RAPH1: variants seen among roughly 807,000 people sequenced by gnomAD.
The protein encoded by RAPH1 is ras-associated and pleckstrin homology domains-containing protein 1.
In RAPH1, 18 loss-of-function variants were observed where a neutral mutation model predicts 88.1. The observed-to-expected ratio is 0.20, with a 90% CI of 0.14 to 0.30. RAPH1 has a LOEUF of 0.30. Ranked by LOEUF, RAPH1 falls within the 10% of genes least tolerant of loss-of-function variation. The pLI, the probability that RAPH1 is intolerant of heterozygous loss-of-function variation, is 1.00. For synonymous variants in RAPH1, 587 were observed against 559.0 expected (o/e 1.05, Z -0.71); for missense variants, 1,448 against 1,543.2 (o/e 0.94, Z 1.03).
intron 1 of RAPH1, among the ~76,000 whole-genome samples, chr2:203,532,859 C>T (rs1313279774): frequency 6.6e-6 from 1 of 152,154 alleles, no homozygotes; most frequent in South Asian, 2.1e-4. Context: ...CATCTTGCTT[C>T]ACTAATATTA....
chr2:203,470,814 G>A (rs941890314), intron 4 of RAPH1, among the ~76,000 whole-genome samples: 16 of 152,058 alleles, frequency 1.1e-4, no homozygotes, highest in Non-Finnish European at 2.2e-4. Context: ...GCACCAAGAC[G>A]AAAAATATCC....
chr2:203,441,974 G>A (rs2098504668), intron 13 of RAPH1: 4 of 1,502,796 alleles, frequency 2.7e-6, no homozygotes, highest in Non-Finnish European at 3.5e-6. Flanking sequence ...ACACAGGAAT[G>A]AATAAGCTTG....
intron 4 of RAPH1, among the ~76,000 whole-genome samples, chr2:203,476,703 G>A (rs1427329383): frequency 1.3e-5 from 2 of 152,122 alleles, no homozygotes; most frequent in African/African-American, 2.4e-5. Flanking sequence ...AAAGAAACTA[G>A]GCTTTCAGTT....
chr2:203,474,666 G>C (rs1181338986), intron 4 of RAPH1, among the ~76,000 whole-genome samples: 1 of 152,200 alleles, frequency 6.6e-6, no homozygotes, highest in African/African-American at 2.4e-5. Flanking sequence ...TGTACACTCT[G>C]TCACATGCCA....
chr2:203,526,226 A>T (rs1312373969), intron 1 of RAPH1, among the ~76,000 whole-genome samples: 5 of 152,152 alleles, frequency 3.3e-5, no homozygotes, highest in South Asian at 2.1e-4. Flanking sequence ...AACGTTTTTT[A>T]AAAAAATGTT....
In RAPH1 at chr2:203,437,887, G is replaced by A; in HGVS notation, c.*1550C>T. 3.7e-6 allele frequency: 1 copy of A among 269,240 alleles called. No homozygotes were observed. Among genetic ancestry groups the A allele is most frequent in the Non-Finnish European group, 7.3e-6 (1 of 137,508 alleles). 16.7% of individuals were successfully genotyped at this position (269,240 alleles called of 1,614,324 possible). On this transcript the variant is annotated 3_prime_UTR_variant, in exon 14 of 14. Coordinates refer to ENST00000319170, the MANE Select transcript of RAPH1 (RefSeq NM_213589.3). ...ATTACAAGATGTGCTCCCCTTATAA[G>A]TGCTGGGATGGCCCATTTTTATTCT...
intron 10 of RAPH1, among the ~76,000 whole-genome samples, chr2:203,449,490 G>T (rs980528698): frequency 3.3e-5 from 5 of 152,182 alleles, no homozygotes; most frequent in Non-Finnish European, 5.9e-5. Context: ...TTCAGTTGAG[G>T]CTTGGATGAG....
chr2:203,534,934 C>T (rs1393768588), intron 1 of RAPH1, among the ~76,000 whole-genome samples, 177 bp downstream of exon 1: 2 of 152,200 alleles, frequency 1.3e-5, no homozygotes, highest in Non-Finnish European at 2.9e-5. Flanking sequence ...CCAGCCAGCC[C>T]CGGCCCGATC....
chr2:203,458,770 C>CTT (rs34230185), intron 7 of RAPH1, among the ~76,000 whole-genome samples: 7 of 146,482 alleles, frequency 4.8e-5, no homozygotes, highest in African/African-American at 9.9e-5. Context: ...TTCTTTTTCT[C>CTT]TTTTTTTTTT....
chr2:203,455,901 T>A (rs1581270770), intron 8 of RAPH1, among the ~76,000 whole-genome samples: 2 of 150,198 alleles, frequency 1.3e-5, no homozygotes, highest in East Asian at 3.9e-4. Context: ...CCCAGTTATG[T>A]GGGCAGCTGA....
Position 203,436,865 on chromosome 2 carries a change from C to T in RAPH1, c.*2572G>A, listed in dbSNP as rs1170875590. 1 of 152,144 alleles carries T rather than the reference C, an allele frequency of 6.6e-6. No homozygotes were observed. 9.4% of individuals were successfully genotyped at this position (152,144 alleles called of 1,614,324 possible). On this transcript the variant is annotated 3_prime_UTR_variant, in exon 14 of 14. Transcript: ENST00000319170. ...CAACAAAAATCCAAATTAAAGAAAA[C>T]CCACTAGGGAGTAAAACAGAAGTAT...
chr2:203,448,587 A>T lies in RAPH1; in HGVS notation c.1512+151T>A. The T allele has an allele frequency of 2.0e-6, 1 of 503,616 alleles. No individual in the cohort carries two copies. Among genetic ancestry groups the T allele is most frequent in the East Asian group, 3.2e-5 (1 of 30,844 alleles). 31.2% of individuals were successfully genotyped at this position (503,616 alleles called of 1,614,324 possible). A position where few individuals can be genotyped will look rare whatever the true frequency, so the allele number is the denominator to read the frequency against. On this transcript the variant is annotated intron_variant, in intron 11 of 13. Coordinates refer to ENST00000319170, the MANE Select transcript of RAPH1 (RefSeq NM_213589.3). The surrounding 1 kb of genome is among the most constrained non-coding windows in gnomAD (Gnocchi z 4.1). ...TTATCCCTATAAACAAGGAAAAAAGACAACATTTAAAACTTGAAACTTAGG... is the reference window on the plus strand; with the variant it reads ...TTATCCCTATAAACAAGGAAAAAAGTCAACATTTAAAACTTGAAACTTAGG...
rs1440846963 is a variant in RAPH1, at chr2:203,506,184, T to A, written c.1-10831A>T. Among the ~76,000 whole-genome samples the A allele has an allele frequency of 2.0e-5, 3 of 152,244 alleles. No individual in the cohort carries two copies. In the South Asian group the frequency reaches 6.2e-4, roughly 32 times the overall value. On this transcript the variant is annotated intron_variant, in intron 1 of 13. Transcript: ENST00000319170. Reference sequence around the variant, plus strand: ...GACGTAGCCTATAGCTTGGAAGTCATTTGGATTAGGTATTGAATTATCAGT... The same window carrying A: ...GACGTAGCCTATAGCTTGGAAGTCAATTGGATTAGGTATTGAATTATCAGT...
intron 4 of RAPH1, among the ~76,000 whole-genome samples, chr2:203,463,110 G>A (rs967574966): frequency 6.6e-5 from 10 of 151,752 alleles, no homozygotes; most frequent in Non-Finnish European, 1.5e-4. Flanking sequence ...GCTGAGGCAG[G>A]AGAACTGCTT....
chr2:203,487,665 G>A (rs1688034680), intron 4 of RAPH1, among the ~76,000 whole-genome samples: 1 of 152,166 alleles, frequency 6.6e-6, no homozygotes, highest in Admixed American at 6.5e-5. Context: ...GATTACAGGT[G>A]TGAGCCACCA....
intron 4 of RAPH1, among the ~76,000 whole-genome samples, chr2:203,481,801 C>G (rs960976252): frequency 6.7e-6 from 1 of 150,206 alleles, no homozygotes; most frequent in Non-Finnish European, 1.5e-5. Flanking sequence ...GGGGTTTCAC[C>G]ATGTTGGCCA....
At chr2:203,495,434 A>G (rs1289147130) in intron 1 of RAPH1, 81 bp from the exon 2 acceptor site, 3 of 1,371,564 alleles carry the variant, frequency 2.2e-6, no homozygotes, top group Non-Finnish European at 3.0e-6. Flanking sequence ...GCTCTGATAT[A>G]TATTATATGC....
chr2:203,512,287 G>A (rs1304353472), intron 1 of RAPH1, among the ~76,000 whole-genome samples: 1 of 150,796 alleles, frequency 6.6e-6, no homozygotes, highest in Non-Finnish European at 1.5e-5. Context: ...AAATTAGCTG[G>A]GTGTGGTGGT....
rs2153631058 is a variant in RAPH1, at chr2:203,434,361, AGGGAGGGAGCAATCCCAGTTAAATAT to A, written c.*5050_*5075del. 6.5e-6 allele frequency: 1 copy of A among 152,722 alleles called. No homozygotes were observed. Among genetic ancestry groups the A allele is most frequent in the South Asian group, 2.1e-4 (1 of 4,826 alleles). 9.5% of individuals were successfully genotyped at this position (152,722 alleles called of 1,614,324 possible). On this transcript the variant is annotated 3_prime_UTR_variant, in exon 14 of 14. Transcript: ENST00000319170. ...TTGACTCTTGTTTTTTAAAGAACTGAGGGAGGGAGCAATCCCAGTTAAATATAATGTGCAATTCCCCTTTAACAGTA... is the reference window on the plus strand; with the variant it reads ...TTGACTCTTGTTTTTTAAAGAACTGAAATGTGCAATTCCCCTTTAACAGTA...
Sources: gnomAD v4.1 joint callset for allele counts (sites outside exome capture counted in the v4.1 genomes callset) on GRCh38, gnomAD v4.1.1 for gene constraint, Gnocchi (gnomAD v3.1) non-coding constraint, MANE v1.5 for transcripts, NCBI Gene and HGNC (gene_info 2026-07-23, HGNC 2026-07-21) for gene names.